MACROD2: variants seen among roughly 807,000 people sequenced by gnomAD.
The protein encoded by MACROD2 is mono-ADP ribosylhydrolase 2, also known as ADP-ribose glycohydrolase MACROD2.
MACROD2 carries 36 observed loss-of-function variants against 70.4 expected under a neutral mutation model. That is an observed-to-expected ratio of 0.51 (90% CI 0.39 to 0.68). MACROD2 has a LOEUF of 0.68. Among genes scored for constraint, MACROD2 ranks in the 30% least tolerant of loss-of-function variants. MACROD2 has a pLI of 0.00. For missense variants in MACROD2, 496 were observed against 538.4 expected, an observed-to-expected ratio of 0.92 and a Z score of 0.78; for synonymous variants, 172 against 178.8, an observed-to-expected ratio of 0.96 and a Z score of 0.30.
chr20:15,208,334 A>G (rs1473699719), intron 5 of MACROD2, among the ~76,000 whole-genome samples: 1 of 152,140 alleles, frequency 6.6e-6, no homozygotes, highest in South Asian at 2.1e-4. Flanking sequence ...TCAAGCATGT[A>G]CATAACTGTT....
At chr20:16,013,558 A>T (rs2066892026) in intron 15 of MACROD2, among the ~76,000 whole-genome samples, 1 of 152,252 alleles carries the variant, frequency 6.6e-6, no homozygotes, top group Non-Finnish European at 1.5e-5. Context: ...ACTGCTGCAT[A>T]TGAGAATGCT....
intron 8 of MACROD2, among the ~76,000 whole-genome samples, chr20:15,507,444 C>A (rs968240449): frequency 6.8e-6 from 1 of 148,138 alleles, no homozygotes; most frequent in Admixed American, 6.9e-5. Context: ...TCCTTCCTTT[C>A]TTTTTCTTTT....
chr20:14,352,561 T>G (rs191046205), intron 3 of MACROD2: 41 of 152,306 alleles, frequency 2.7e-4, no homozygotes, highest in Admixed American at 2.4e-3. Context: ...AAGATTGCCC[T>G]CCAGAAAGGA....
chr20:15,396,509 T>C (rs1192770685), intron 6 of MACROD2, among the ~76,000 whole-genome samples: 2 of 152,188 alleles, frequency 1.3e-5, no homozygotes, highest in African/African-American at 2.4e-5. Context: ...TATAGAATCT[T>C]AGAAGAGGAA....
rs1430009734 is a variant in MACROD2, at chr20:14,411,759, C to T, written c.272-81720C>T. ...CAAGCTGCCCCCTACCAGCACCTCC[C>T]TGTGTGTCTGCACAGGCTGTAGACT... On this transcript the variant is annotated intron_variant, in intron 3 of 17. Coordinates refer to ENST00000684519, the MANE Select transcript of MACROD2 (RefSeq NM_001351661.2). 2.6e-5 allele frequency among the ~76,000 whole-genome samples: 4 copies of T among 152,070 alleles called. No individual in the cohort carries two copies. In the East Asian group the frequency reaches 7.8e-4, roughly 29 times the overall value.
intron 5 of MACROD2, among the ~76,000 whole-genome samples, chr20:15,111,173 G>GTTTT (rs1299612264): frequency 3.8e-5 from 3 of 78,330 alleles, no homozygotes; most frequent in African/African-American, 1.7e-4. Context: ...GTTTGTTTTT[G>GTTTT]TTTGTTTTTT....
At chr20:14,774,848 T>C (rs1262129693) in intron 5 of MACROD2, among the ~76,000 whole-genome samples, 1 of 152,116 alleles carries the variant, frequency 6.6e-6, no homozygotes, top group Non-Finnish European at 1.5e-5. Context: ...ACACTCAGAT[T>C]CCTTTAAAAC....
chr20:15,896,210 T>A (rs1314689539), intron 10 of MACROD2, among the ~76,000 whole-genome samples: 2 of 152,152 alleles, frequency 1.3e-5, no homozygotes, highest in Non-Finnish European at 2.9e-5. Flanking sequence ...GTATTTTTAT[T>A]TATAGATCTC....
At chr20:14,101,782 GA>G (rs752709147) in intron 3 of MACROD2, among the ~76,000 whole-genome samples, 6 of 144,218 alleles carry the variant, frequency 4.2e-5, no homozygotes, top group Admixed American at 2.1e-4. Context: ...GAGACTAAAA[GA>G]AAAAAAAAAC....
At chr20:14,822,455 C>T (rs2072857086) in intron 5 of MACROD2, among the ~76,000 whole-genome samples, 1 of 152,062 alleles carries the variant, frequency 6.6e-6, no homozygotes, top group African/African-American at 2.4e-5. Flanking sequence ...CAGTTTTCGG[C>T]AAGCCATTTG....
intron 3 of MACROD2, among the ~76,000 whole-genome samples, chr20:14,329,806 C>G (rs1386133826): frequency 6.6e-6 from 1 of 151,914 alleles, no homozygotes; most frequent in African/African-American, 2.4e-5. Flanking sequence ...ATTTTAAAAG[C>G]TTTTCTTTTG....
intron 5 of MACROD2, among the ~76,000 whole-genome samples, chr20:14,901,232 T>C (rs2073891560): frequency 6.6e-6 from 1 of 152,068 alleles, no homozygotes; most frequent in Non-Finnish European, 1.5e-5. Context: ...ATTATAGTAC[T>C]TAGCATTAGA....
intron 3 of MACROD2, among the ~76,000 whole-genome samples, chr20:14,484,581 C>T (rs1041946372): frequency 3.9e-5 from 6 of 152,034 alleles, no homozygotes; most frequent in African/African-American, 1.5e-4. Context: ...ACTTCCTCTC[C>T]ACCCCTCGAA....
At chr20:14,092,705 A>G (rs1014522308) in intron 3 of MACROD2, among the ~76,000 whole-genome samples, 1 of 152,242 alleles carries the variant, frequency 6.6e-6, no homozygotes, top group Admixed American at 6.5e-5. Flanking sequence ...TAGGGATAAT[A>G]CTAGTAATTA....
chr20:15,675,017 A>G (rs1478285365), intron 8 of MACROD2, among the ~76,000 whole-genome samples: 2 of 152,146 alleles, frequency 1.3e-5, no homozygotes, highest in African/African-American at 4.8e-5. Flanking sequence ...GTTATCAGTT[A>G]TATTGGTTTT....
chr20:15,899,285 G>T (rs1292129526), intron 10 of MACROD2, among the ~76,000 whole-genome samples: 1 of 151,664 alleles, frequency 6.6e-6, no homozygotes, highest in Admixed American at 6.6e-5. Flanking sequence ...CATACATACA[G>T]ATATATACAC....
chr20:15,811,403 A>T (rs547545546), intron 8 of MACROD2, among the ~76,000 whole-genome samples: 1 of 152,246 alleles, frequency 6.6e-6, no homozygotes, highest in Admixed American at 6.5e-5. Flanking sequence ...ATCTCACACC[A>T]GTTAGAATGG....
intron 4 of MACROD2, among the ~76,000 whole-genome samples, chr20:14,564,877 CCT>C (rs1979674113): frequency 6.6e-6 from 1 of 151,836 alleles, no homozygotes; most frequent in Admixed American, 6.6e-5. Context: ...CAAAAAGACC[CCT>C]GTGTTCATAT....
chr20:14,710,451 T>C (rs1305191779), intron 5 of MACROD2, among the ~76,000 whole-genome samples: 3 of 152,208 alleles, frequency 2.0e-5, no homozygotes, highest in African/African-American at 7.2e-5. Context: ...AAATATTTGG[T>C]TTACAGTTTC....
Sources: gnomAD v4.1 joint callset for allele counts (sites outside exome capture counted in the v4.1 genomes callset) on GRCh38, gnomAD v4.1.1 for gene constraint, MANE v1.5 for transcripts, NCBI Gene and HGNC (gene_info 2026-07-23, HGNC 2026-07-21) for gene names.